NRIP1: variants seen among roughly 807,000 people sequenced by gnomAD.
NRIP1 encodes the protein nuclear receptor interacting protein 1.
In NRIP1, 28 loss-of-function variants were observed where a neutral mutation model predicts 75.0. That is an observed-to-expected ratio of 0.37 (90% CI 0.28 to 0.51). NRIP1 has a LOEUF of 0.51. Among genes scored for constraint, NRIP1 ranks in the 20% least tolerant of loss-of-function variants. NRIP1 has a pLI of 0.92. For missense variants in NRIP1, 1,435 were observed against 1,343.7 expected, an observed-to-expected ratio of 1.07 and a Z score of -1.06; for synonymous variants, 526 against 487.6, an observed-to-expected ratio of 1.08 and a Z score of -1.04.
intron 3 of NRIP1, among the ~76,000 whole-genome samples, chr21:15,009,000 T>C (rs1359357652): frequency 6.6e-6 from 1 of 152,208 alleles, no homozygotes; most frequent in South Asian, 2.1e-4. Context: ...ATAAAAGCTC[T>C]CTTGGGTCCT....
chr21:14,990,447 G>A (rs1377960726), intron 3 of NRIP1, among the ~76,000 whole-genome samples: 1 of 152,180 alleles, frequency 6.6e-6, no homozygotes, highest in Non-Finnish European at 1.5e-5. Context: ...CCAAGCCCTA[G>A]ATGATGAGCC....
chr21:14,994,650 G>A (rs543123755), intron 3 of NRIP1, among the ~76,000 whole-genome samples: 27 of 152,142 alleles, frequency 1.8e-4, no homozygotes, highest in African/African-American at 5.5e-4. Flanking sequence ...AACTGCAAAC[G>A]ATATACAACA....
chr21:15,059,067 G>C (rs554665956), intron 1 of NRIP1, among the ~76,000 whole-genome samples: 28 of 152,328 alleles, frequency 1.8e-4, no homozygotes, highest in African/African-American at 6.5e-4. Context: ...GAATGACTTT[G>C]TTAATTAGAA....
At chr21:15,056,348 G>A (rs993238667) in intron 1 of NRIP1, among the ~76,000 whole-genome samples, 2 of 151,280 alleles carry the variant, frequency 1.3e-5, no homozygotes, top group Non-Finnish European at 2.9e-5. Context: ...GTATTACCAG[G>A]ATAGATAAAA....
At chr21:15,046,311 T>G (rs535328096) in intron 1 of NRIP1, among the ~76,000 whole-genome samples, 2 of 152,338 alleles carry the variant, frequency 1.3e-5, no homozygotes, top group African/African-American at 2.4e-5. Flanking sequence ...CCATGAAAAT[T>G]AACATTAACT....
chr21:14,977,671 T>G (rs983570215), intron 3 of NRIP1, among the ~76,000 whole-genome samples: 4 of 152,120 alleles, frequency 2.6e-5, no homozygotes, highest in African/African-American at 9.7e-5. Flanking sequence ...TAAAAGAATA[T>G]GCCTGAAGTT....
chr21:15,059,223 G>A (rs757309455), intron 1 of NRIP1, among the ~76,000 whole-genome samples: 10 of 152,150 alleles, frequency 6.6e-5, no homozygotes, highest in East Asian at 1.9e-4. Flanking sequence ...TTGGAACTCC[G>A]AGCTTAGTCA....
upstream of NRIP1, among the ~76,000 whole-genome samples, chr21:15,065,383 G>A: frequency 6.6e-6 from 1 of 152,028 alleles, no homozygotes; most frequent in Middle Eastern, 3.2e-3. Flanking sequence ...GACCGCTGCA[G>A]GCGCCTGGAC....
intron 2 of NRIP1, among the ~76,000 whole-genome samples, chr21:15,040,992 T>C (rs756414912): frequency 2.0e-5 from 3 of 152,100 alleles, no homozygotes; most frequent in Non-Finnish European, 4.4e-5. Context: ...GCAGTTCCAC[T>C]CCCATGCTTA....
chr21:15,019,473 T>TC, intron 2 of NRIP1, among the ~76,000 whole-genome samples: 3 of 45,656 alleles, frequency 6.6e-5, no homozygotes, highest in African/African-American at 1.8e-4. Context: ...TGCATTTCTT[T>TC]TTTTTTTTTT....
At chr21:14,973,671 T>A (rs545212723) in intron 3 of NRIP1, among the ~76,000 whole-genome samples, 3 of 137,052 alleles carry the variant, frequency 2.2e-5, no homozygotes, top group Admixed American at 7.5e-5. Flanking sequence ...GAAAATCAGC[T>A]CGCATAATTT....
At chr21:15,055,621 T>C (rs1221893406) in intron 1 of NRIP1, among the ~76,000 whole-genome samples, 3 of 152,208 alleles carry the variant, frequency 2.0e-5, no homozygotes, top group Non-Finnish European at 1.5e-5. Flanking sequence ...GCTTGGATTT[T>C]ACTGCGGGAT....
rs565864467 is a variant in NRIP1 at position 15,030,011 on chromosome 21, T to C, written c.-458+13484A>G. Reference sequence around the variant, plus strand: ...CACCCTCTTCCCCTCAGGAGGTGAATCCCAATTAAGTAAAGCCACTTGTGA... The same window carrying C: ...CACCCTCTTCCCCTCAGGAGGTGAACCCCAATTAAGTAAAGCCACTTGTGA... On this transcript the variant is annotated intron_variant, in intron 2 of 3. Transcript: ENST00000318948. 7.2e-5 allele frequency among the ~76,000 whole-genome samples: 11 copies of C among 152,236 alleles called. No individual in the cohort carries two copies. The East Asian group carries it at 1.7e-3, about 24-fold the overall frequency.
intron 3 of NRIP1, among the ~76,000 whole-genome samples, chr21:14,979,127 A>C (rs909388): frequency 0.19 from 28,652 of 152,104 alleles, 3,093 homozygotes; most frequent in East Asian, 0.45. Flanking sequence ...AATCATTAAC[A>C]AATTATTTTG....
chr21:14,986,649 T>C (rs979511697), intron 3 of NRIP1, among the ~76,000 whole-genome samples: 4 of 152,244 alleles, frequency 2.6e-5, no homozygotes, highest in Non-Finnish European at 4.4e-5. Context: ...GACACTCTTT[T>C]ATTTAGGCAA....
intron 3 of NRIP1, among the ~76,000 whole-genome samples, chr21:14,978,663 T>C (rs533721883): frequency 3.9e-5 from 6 of 152,290 alleles, no homozygotes; most frequent in Non-Finnish European, 8.8e-5. Flanking sequence ...CCATAATTGA[T>C]ACGGCAAAAT....
At chr21:15,061,374 T>C (rs1012742575) in intron 1 of NRIP1, among the ~76,000 whole-genome samples, 8 of 151,868 alleles carry the variant, frequency 5.3e-5, no homozygotes, top group Non-Finnish European at 7.4e-5. Flanking sequence ...TGAAGAAACT[T>C]CTCCCCACCC....
intron 3 of NRIP1, among the ~76,000 whole-genome samples, chr21:14,988,790 G>A (rs565768544): frequency 6.6e-6 from 1 of 152,084 alleles, no homozygotes; most frequent in Non-Finnish European, 1.5e-5. Context: ...TTGACATCTG[G>A]AATTCAGAGG....
intron 3 of NRIP1, among the ~76,000 whole-genome samples, chr21:14,970,070 G>T (rs1446137082): frequency 6.6e-6 from 1 of 152,166 alleles, no homozygotes; most frequent in Non-Finnish European, 1.5e-5. Context: ...GTTTTTCAGG[G>T]AGTAGGGAGG....
Sources: allele counts gnomAD v4.1 joint callset (sites outside exome capture counted in the v4.1 genomes callset), GRCh38; gene constraint gnomAD v4.1.1; transcripts MANE v1.5; gene names NCBI Gene and HGNC (gene_info 2026-07-23, HGNC 2026-07-21).